LPA: variants seen among roughly 807,000 people sequenced by gnomAD.
LPA encodes the protein apolipoprotein(a).
A neutral mutation model predicts 197.9 loss-of-function variants in LPA; 199 were observed. The observed-to-expected ratio is 1.01, with a 90% CI of 0.90 to 1.13. The LOEUF (loss-of-function observed/expected upper bound fraction) is 1.13. LPA is among the 50% of genes most tolerant of loss of function. The probability of loss-of-function intolerance (pLI) is 0.00; values close to 1 mark genes in which losing one functional copy is unlikely to be tolerated. For synonymous variants in LPA, 715 were observed against 639.5 expected (o/e 1.12, Z -1.78); for missense variants, 1,853 against 1,785.8 (o/e 1.04, Z -0.68).
At chr6:160,570,790 C>T (rs1055511239) in intron 28 of LPA, among the ~76,000 whole-genome samples, 1 of 152,116 alleles carries the variant, frequency 6.6e-6, no homozygotes, top group Admixed American at 6.5e-5. Flanking sequence ...TTCATTTCAA[C>T]CTTGGTGAAT....
At chr6:160,555,777 C>G (rs1391456252) in intron 30 of LPA, among the ~76,000 whole-genome samples, 1 of 151,966 alleles carries the variant, frequency 6.6e-6, no homozygotes, top group Non-Finnish European at 1.5e-5. Context: ...ATCTCTTGAG[C>G]TTTATATTAA....
intron 34 of LPA, 84 bp downstream of exon 34, chr6:160,542,604 T>C (rs1777998301): frequency 6.3e-7 from 1 of 1,595,518 alleles, no homozygotes; most frequent in Non-Finnish European, 8.6e-7. Flanking sequence ...ATGCATCAGC[T>C]GTGTGGGTTC....
At chr6:160,661,769 C>T (rs1780231316) in intron 1 of LPA, among the ~76,000 whole-genome samples, 2 of 152,212 alleles carry the variant, frequency 1.3e-5, no homozygotes, top group South Asian at 4.1e-4. Flanking sequence ...CTTCACCCCG[C>T]ACTGTTTCTC....
intron 1 of LPA, among the ~76,000 whole-genome samples, chr6:160,658,849 C>G (rs569323404): frequency 8.4e-6 from 1 of 118,836 alleles, no homozygotes; most frequent in African/African-American, 3.0e-5. Context: ...TCGGGGTTCT[C>G]TAGAGGGACA....
At chr6:160,536,755 A>G (rs565776444) in intron 37 of LPA, among the ~76,000 whole-genome samples, 21 of 152,342 alleles carry the variant, frequency 1.4e-4, no homozygotes, top group African/African-American at 4.8e-4. Flanking sequence ...CAGTGCTCCC[A>G]GACTCAGCAG....
chr6:160,544,236 G>A (rs1045278676), intron 33 of LPA, among the ~76,000 whole-genome samples: 2 of 152,196 alleles, frequency 1.3e-5, no homozygotes, highest in East Asian at 1.9e-4. Context: ...AGAGAGCCCA[G>A]GCAGTGAGAG....
chr6:160,634,975 G>C (rs1779781060), intron 7 of LPA, 148 bp downstream of exon 7: 3 of 1,497,172 alleles, frequency 2.0e-6, no homozygotes, highest in Non-Finnish European at 1.8e-6. Flanking sequence ...CTCCCCCAGA[G>C]AGTACACGGA....
Position 160,599,557 on chromosome 6 carries a change from G to A in LPA, c.3230C>T (p.Ala1077Val), listed in dbSNP as rs748735624. Reference sequence around the variant, plus strand: ...CTGGTGTGGTGTCATAGATGACCAAGCTTGGCAAGTTCTTCCTGTGACAGT... The same window carrying A: ...CTGGTGTGGTGTCATAGATGACCAAACTTGGCAAGTTCTTCCTGTGACAGT... Reference protein sequence around the residue: ...STTVTGRTCQAWSSMTPHQHS... With the variant: ...STTVTGRTCQVWSSMTPHQHS... Residue 1077 changes from alanine to valine, a missense_variant, in exon 20 of 39, where the codon GCT becomes GTT. Coordinates refer to ENST00000316300, the MANE Select transcript of LPA (RefSeq NM_005577.4). 9 of 1,613,994 alleles carry A rather than the reference G, an allele frequency of 5.6e-6. No homozygotes were observed. The African/African-American group carries it at 9.3e-5, about 17-fold the overall frequency.
chr6:160,554,641 C>A (rs564129279), intron 30 of LPA, among the ~76,000 whole-genome samples: 7 of 152,096 alleles, frequency 4.6e-5, no homozygotes, highest in South Asian at 2.1e-4. Context: ...TGAGCTCTGG[C>A]GTCACCATTG....
intron 28 of LPA, among the ~76,000 whole-genome samples, chr6:160,562,114 A>G (rs1253771903): frequency 2.0e-5 from 3 of 152,114 alleles, no homozygotes; most frequent in Non-Finnish European, 4.4e-5. Context: ...GTTGAATAGG[A>G]GTGGTGAGAG....
intron 1 of LPA, among the ~76,000 whole-genome samples, chr6:160,650,879 A>T (rs1430042080): frequency 6.6e-6 from 1 of 152,168 alleles, no homozygotes; most frequent in Non-Finnish European, 1.5e-5. Flanking sequence ...GTCAGGGTCA[A>T]ATATGAAAAC....
At position 160,589,649 on chromosome 6, in the gene LPA, C is replaced by A. The variant is rs1778986392; in HGVS notation, c.3851G>T (p.Gly1284Val). The change falls in exon 24 of 39, where the codon GGC becomes GTC. Residue 1284 changes from glycine to valine, a missense_variant. Gly to Val is a moderately radical substitution (Grantham distance 109). Around this residue, in one of 3 missense-constraint regions of LPA, gnomAD observed 1,737 missense variants for 1,504.4 expected, o/e 1.15. Coordinates refer to ENST00000316300, the MANE Select transcript of LPA (RefSeq NM_005577.4). ...CYHGDGQSYR[G>V]SFSTTVTGRT... Reference sequence around the variant, plus strand: ...TCCTGTAACAGTGGTGGAGAATGAGCCTCGATAACTCTGTCCATCACCATG... The same window carrying A: ...TCCTGTAACAGTGGTGGAGAATGAGACTCGATAACTCTGTCCATCACCATG... 2 of 1,613,792 alleles carry A rather than the reference C, an allele frequency of 1.2e-6. No homozygotes were observed. The highest frequency in any genetic ancestry group is 1.7e-6 in the Non-Finnish European group (2 of 1,179,870).
chr6:160,542,584 G>A, intron 34 of LPA, 104 bp downstream of exon 34: 1 of 1,517,142 alleles, frequency 6.6e-7, no homozygotes, highest in South Asian at 1.3e-5. Flanking sequence ...AAACAGAGAG[G>A]CAGGTATTGA....
chr6:160,581,956 A>T (rs1475838167), intron 26 of LPA, among the ~76,000 whole-genome samples: 1 of 152,084 alleles, frequency 6.6e-6, no homozygotes, highest in African/African-American at 2.4e-5. Context: ...TTTTGATAGT[A>T]TTTTGTGGTT....
At chr6:160,573,300 T>G (rs1778595641) in intron 28 of LPA, among the ~76,000 whole-genome samples, 1 of 152,166 alleles carries the variant, frequency 6.6e-6, no homozygotes, top group Non-Finnish European at 1.5e-5. Flanking sequence ...GTTTTTTTAT[T>G]AAGCTATCTA....
At chr6:160,647,214 A>T (rs950054106) in intron 2 of LPA, among the ~76,000 whole-genome samples, 4 of 152,198 alleles carry the variant, frequency 2.6e-5, no homozygotes, top group African/African-American at 9.6e-5. Flanking sequence ...GGAAGATGGC[A>T]GGAAGACTAA....
rs969979745 is a variant in LPA at position 160,578,619 on chromosome 6, A to G, written c.4375T>C (p.Tyr1459His). ...YTMDPSVRWEYCNLTRCPVTE... is the reference protein window; with the variant it reads ...YTMDPSVRWEHCNLTRCPVTE... ...ACTGGACATCGTGTCAGGTTGCAGT[A>G]CTCCCACCTGACACTGGGATCCATG... is the stretch of plus-strand genomic sequence containing the variant. Residue 1459 changes from tyrosine to histidine, a missense_variant, in exon 27 of 39, where the codon TAC becomes CAC. Coordinates refer to ENST00000316300, the MANE Select transcript of LPA (RefSeq NM_005577.4). 1 of 1,613,896 alleles carries G rather than the reference A, an allele frequency of 6.2e-7. No homozygotes were observed. The highest frequency in any genetic ancestry group is 8.5e-7 in the Non-Finnish European group (1 of 1,179,914).
chr6:160,589,770 A>G (rs1778989914), intron 23 of LPA, 58 bp from the exon 24 acceptor site: 1 of 1,593,774 alleles, frequency 6.3e-7, no homozygotes, highest in Non-Finnish European at 8.6e-7. Context: ...GAAGCATGAG[A>G]AAAAAAATCC....
intron 22 of LPA, 89 bp downstream of exon 22, chr6:160,593,869 T>G: frequency 6.7e-7 from 1 of 1,488,274 alleles, no homozygotes; most frequent in Non-Finnish European, 9.4e-7. Context: ...GAGATAAATT[T>G]GTCATAAGAA....
Sources: gnomAD v4.1 joint callset for allele counts (sites outside exome capture counted in the v4.1 genomes callset) on GRCh38, gnomAD v4.1.1 for gene constraint, gnomAD v4.1.1 regional missense constraint, MANE v1.5 for transcripts, NCBI Gene and HGNC (gene_info 2026-07-23, HGNC 2026-07-21) for gene names.